The following LCLAT1 variants were observed in gnomAD, a reference collection of about 807,000 sequenced individuals.
LCLAT1 encodes 1-AGP acyltransferase 8.
A neutral mutation model predicts 30.7 loss-of-function variants in LCLAT1; 11 were observed. That is an observed-to-expected ratio of 0.36 (90% CI 0.23 to 0.59). The LOEUF (loss-of-function observed/expected upper bound fraction) is 0.59, where lower values mean the gene tolerates loss of function less well. LCLAT1 is among the 20% of genes least tolerant of loss of function. The pLI, the probability that LCLAT1 is intolerant of heterozygous loss-of-function variation, is 0.77. For synonymous variants in LCLAT1, 155 were observed against 151.3 expected, an observed-to-expected ratio of 1.02 and a Z score of -0.18; for missense variants, 402 against 458.6, an observed-to-expected ratio of 0.88 and a Z score of 1.13.
At chr2:30,555,826 T>G (rs1382877611) in intron 3 of LCLAT1, among the ~76,000 whole-genome samples, 1 of 134,586 alleles carries the variant, frequency 7.4e-6, no homozygotes, top group Non-Finnish European at 1.5e-5. Context: ...AAACTATTTC[T>G]TTTTTTCTTT....
intron 5 of LCLAT1, among the ~76,000 whole-genome samples, chr2:30,597,968 G>C (rs1276450556): frequency 6.6e-6 from 1 of 152,138 alleles, no homozygotes; most frequent in Non-Finnish European, 1.5e-5. Flanking sequence ...TGTTGAACCA[G>C]CCTTGCATCC....
intron 1 of LCLAT1, among the ~76,000 whole-genome samples, chr2:30,524,811 T>C (rs1685630556): frequency 1.3e-5 from 2 of 152,192 alleles, no homozygotes; most frequent in Admixed American, 6.5e-5. Flanking sequence ...AGTTAAACTT[T>C]ATCATGGTAT....
Position 30,547,380 on chromosome 2 carries a change from C to T in LCLAT1, c.364+14066C>T, listed in dbSNP as rs552880152. Among the ~76,000 whole-genome samples, 7 of 152,246 alleles carry T rather than the reference C, an allele frequency of 4.6e-5. No individual in the cohort carries two copies. In the South Asian group the frequency reaches 1.5e-3, roughly 32 times the overall value. On this transcript the variant is annotated intron_variant, in intron 3 of 5. Transcript: ENST00000379509. ...TTCCTCTGTGTTATTCCACATATTACTTAATAACTAAAGGTCAGAAGTAGT... is the reference window on the plus strand; with the variant it reads ...TTCCTCTGTGTTATTCCACATATTATTTAATAACTAAAGGTCAGAAGTAGT...
intron 1 of LCLAT1, among the ~76,000 whole-genome samples, chr2:30,450,426 C>T (rs566572445): frequency 6.6e-6 from 1 of 152,210 alleles, no homozygotes; most frequent in South Asian, 2.1e-4. Flanking sequence ...TGGGAACTCT[C>T]CTGCGGGCAG....
At chr2:30,449,316 A>G (rs1681424715) in intron 1 of LCLAT1, among the ~76,000 whole-genome samples, 1 of 152,204 alleles carries the variant, frequency 6.6e-6, no homozygotes, top group Non-Finnish European at 1.5e-5. Context: ...TAGAATGAAC[A>G]CATATTTCAA....
At chr2:30,605,111 A>G (rs1249107399) in intron 5 of LCLAT1, among the ~76,000 whole-genome samples, 3 of 152,250 alleles carry the variant, frequency 2.0e-5, no homozygotes, top group Non-Finnish European at 4.4e-5. Context: ...GTTTTAGGAC[A>G]GTGCTTTAGA....
chr2:30,641,631 C>T lies in LCLAT1; in HGVS notation c.*1012C>T, dbSNP rs1316839231. 6.6e-6 allele frequency: 1 copy of T among 152,186 alleles called. No individual in the cohort carries two copies. Among genetic ancestry groups the T allele is most frequent in the African/African-American group, 2.4e-5 (1 of 41,446 alleles). 9.4% of individuals were successfully genotyped at this position (152,186 alleles called of 1,614,324 possible). Reference sequence around the variant, plus strand: ...TGGTTTATCCTAAATTACTCAACCCCTTGTAGCCTTGACAAATTTTACCTT... The same window carrying T: ...TGGTTTATCCTAAATTACTCAACCCTTTGTAGCCTTGACAAATTTTACCTT... On this transcript the variant is annotated 3_prime_UTR_variant, in exon 6 of 6. Coordinates refer to ENST00000379509, the MANE Select transcript of LCLAT1 (RefSeq NM_001002257.3).
chr2:30,512,409 T>G (rs1323821221), intron 1 of LCLAT1, among the ~76,000 whole-genome samples: 1 of 152,176 alleles, frequency 6.6e-6, no homozygotes, highest in Non-Finnish European at 1.5e-5. Context: ...TTCTTTTGTC[T>G]GCCTCAAGAG....
intron 5 of LCLAT1, among the ~76,000 whole-genome samples, chr2:30,625,934 A>G (rs1313746026): frequency 6.6e-6 from 1 of 152,220 alleles, no homozygotes; most frequent in Non-Finnish European, 1.5e-5. Flanking sequence ...ACGATACTTA[A>G]AAGTGACTGT....
chr2:30,503,476 A>G (rs1374455092), intron 1 of LCLAT1, among the ~76,000 whole-genome samples: 1 of 152,192 alleles, frequency 6.6e-6, no homozygotes, highest in Non-Finnish European at 1.5e-5. Context: ...TTTGAAAAGT[A>G]GTCCCTTAAA....
intron 1 of LCLAT1, among the ~76,000 whole-genome samples, chr2:30,475,969 C>A (rs1683022793): frequency 6.6e-6 from 1 of 152,140 alleles, no homozygotes; most frequent in South Asian, 2.1e-4. Flanking sequence ...CTTCTAAAGT[C>A]TTCTTCAGCT....
intron 1 of LCLAT1, among the ~76,000 whole-genome samples, chr2:30,516,069 A>G (rs1459402572): frequency 6.6e-6 from 1 of 152,156 alleles, no homozygotes; most frequent in Non-Finnish European, 1.5e-5. Flanking sequence ...ACACCTGACC[A>G]ATCAGGTAAC....
At chr2:30,522,016 G>C (rs1685501946) in intron 1 of LCLAT1, among the ~76,000 whole-genome samples, 1 of 152,172 alleles carries the variant, frequency 6.6e-6, no homozygotes, top group Non-Finnish European at 1.5e-5. Context: ...AACTCAACAT[G>C]TTGCATGGAT....
At chr2:30,581,212 G>A (rs183856362) in intron 5 of LCLAT1, among the ~76,000 whole-genome samples, 40 of 152,282 alleles carry the variant, frequency 2.6e-4, no homozygotes, top group South Asian at 1.0e-3. Flanking sequence ...ATCCAAAGTG[G>A]TGACTTGACA....
intron 1 of LCLAT1, among the ~76,000 whole-genome samples, chr2:30,463,363 T>C (rs919923851): frequency 5.3e-5 from 8 of 152,174 alleles, no homozygotes; most frequent in African/African-American, 1.9e-4. Context: ...TTATCATACA[T>C]AGAGATTTCT....
At chr2:30,625,698 A>G (rs1001823001) in intron 5 of LCLAT1, among the ~76,000 whole-genome samples, 2 of 152,230 alleles carry the variant, frequency 1.3e-5, no homozygotes, top group African/African-American at 4.8e-5. Context: ...GTAGATTTAC[A>G]AGAATGTAAT....
intron 5 of LCLAT1, among the ~76,000 whole-genome samples, chr2:30,598,067 A>C (rs544632837): frequency 6.6e-6 from 1 of 152,312 alleles, no homozygotes; most frequent in African/African-American, 2.4e-5. Context: ...GGATTTCTGC[A>C]TCGATATTCA....
chr2:30,561,678 TTAGAGACTTGA>T (rs1665231694), intron 3 of LCLAT1, among the ~76,000 whole-genome samples: 1 of 152,182 alleles, frequency 6.6e-6, no homozygotes, highest in Non-Finnish European at 1.5e-5. Flanking sequence ...GCAGTTGGAT[TTAGAGACTTGA>T]GTGGTATCAG....
chr2:30,519,820 T>G (rs972736685), intron 1 of LCLAT1, among the ~76,000 whole-genome samples: 3 of 152,150 alleles, frequency 2.0e-5, no homozygotes, highest in Non-Finnish European at 4.4e-5. Context: ...TGTTAAATCT[T>G]GGAACCACAC....
Sources: allele counts gnomAD v4.1 joint callset (sites outside exome capture counted in the v4.1 genomes callset), GRCh38; gene constraint gnomAD v4.1.1; transcripts MANE v1.5; gene names NCBI Gene and HGNC (gene_info 2026-07-23, HGNC 2026-07-21).